Variants in TTLL4 observed in about 807,000 individuals in gnomAD.
TTLL4 encodes the protein tubulin monoglutamylase TTLL4.
Under a neutral mutation model 122.7 loss-of-function variants are expected in TTLL4, and 85 were observed. The ratio of observed to expected loss-of-function variants is 0.69; its 90% CI spans 0.58 to 0.83. The LOEUF is 0.83. Among genes scored for constraint, TTLL4 ranks in the 40% least tolerant of loss-of-function variants. TTLL4 has a pLI of 0.00. For synonymous variants in TTLL4, 553 were observed against 563.0 expected, an observed-to-expected ratio of 0.98 and a Z score of 0.25; for missense variants, 1,363 against 1,488.6, an observed-to-expected ratio of 0.92 and a Z score of 1.39.
Position 218,745,134 on chromosome 2 carries a change from C to T in TTLL4, c.1687C>T (p.Pro563Ser). Residue 563 changes from proline (P) to serine (S), a missense_variant, in exon 6 of 20, where the codon CCC becomes TCC. By Grantham distance (74) the Pro-to-Ser change is moderately conservative (BLOSUM62 -1). Coordinates refer to ENST00000392102, the MANE Select transcript of TTLL4 (RefSeq NM_014640.5). ...SRSCMEILTK[P>S]LSNHEKVVRP... The stretch of plus-strand genomic sequence containing the variant: ...AAGCTGTATGGAAATTCTGACCAAA[C>T]CCCTTTCCAATCATGAGAAAGTTGT... 1 of 1,614,050 alleles carries T rather than the reference C, an allele frequency of 6.2e-7. No individual in the cohort carries two copies. Among genetic ancestry groups the T allele is most frequent in the Middle Eastern group, 1.7e-4 (1 of 6,058 alleles).
chr2:218,723,082 GTTC>G (rs1434958020), intron 1 of TTLL4, among the ~76,000 whole-genome samples: 3 of 152,342 alleles, frequency 2.0e-5, no homozygotes, highest in East Asian at 1.9e-4. Flanking sequence ...TGATTGATCT[GTTC>G]TTCTCTCACT....
intron 6 of TTLL4, 105 bp downstream of exon 6, chr2:218,745,338 T>A: frequency 6.7e-7 from 1 of 1,489,522 alleles, no homozygotes; most frequent in South Asian, 1.2e-5. Context: ...CCAGAATGGC[T>A]GTTGTGGCAG....
At chr2:218,753,290 C>T in intron 18 of TTLL4, 105 bp downstream of exon 18, 1 of 1,182,608 alleles carries the variant, frequency 8.5e-7, no homozygotes, top group Non-Finnish European at 1.3e-6. Context: ...TCTCTCACTT[C>T]TCCGCTAGGC....
chr2:218,719,817 A>G (rs1444712899), intron 1 of TTLL4, among the ~76,000 whole-genome samples: 1 of 152,184 alleles, frequency 6.6e-6, no homozygotes, highest in Admixed American at 6.5e-5. Flanking sequence ...TGACCTGATG[A>G]AGCAATACAG....
At chr2:218,748,768 G>A (rs1025535590) in intron 12 of TTLL4, 68 bp from the exon 13 acceptor site, 18 of 1,440,926 alleles carry the variant, frequency 1.2e-5, no homozygotes, top group Non-Finnish European at 1.6e-5. Flanking sequence ...TCTCTTCTTC[G>A]TTTTTCTTTG....
At position 218,754,407 on chromosome 2, in the gene TTLL4, G is replaced by A. The variant is rs1943110255; in HGVS notation, c.*18G>A. 2.5e-6 allele frequency: 4 copies of A among 1,613,534 alleles called. No homozygotes were observed. The highest frequency in any genetic ancestry group is 1.7e-4 in the Middle Eastern group (1 of 5,766). Reference sequence around the variant, plus strand: ...GCCCATAACTGGCCTCTCTCCAAAAGCCTCTGCCCAGGAGCATGGGCATCA... The same window carrying A: ...GCCCATAACTGGCCTCTCTCCAAAAACCTCTGCCCAGGAGCATGGGCATCA... On this transcript the variant is annotated 3_prime_UTR_variant, in exon 20 of 20. Transcript: ENST00000392102.
chr2:218,741,820 C>T (rs1942709498), intron 5 of TTLL4, among the ~76,000 whole-genome samples: 2 of 152,298 alleles, frequency 1.3e-5, no homozygotes, highest in South Asian at 4.1e-4. Context: ...CTACACAACC[C>T]TTTAGCCTTC....
downstream of TTLL4, among the ~76,000 whole-genome samples, chr2:218,758,119 G>T (rs1943186305): frequency 6.6e-6 from 1 of 152,158 alleles, no homozygotes; most frequent in South Asian, 2.1e-4. Context: ...CGTTGGATCA[G>T]TGAAAGTTGC....
intron 8 of TTLL4, 175 bp downstream of exon 8, chr2:218,746,406 A>T: frequency 1.6e-6 from 1 of 641,440 alleles, no homozygotes; most frequent in Non-Finnish European, 2.7e-6. Flanking sequence ...CCAGTGGATC[A>T]CGTACATCTC....
At chr2:218,756,496 G>A (rs1943154178), downstream of TTLL4, among the ~76,000 whole-genome samples, 1 of 152,156 alleles carries the variant, frequency 6.6e-6, no homozygotes, top group African/African-American at 2.4e-5. Flanking sequence ...ATAGACATGG[G>A]TGTTTTGCTG....
chr2:218,719,971 A>G (rs1209731735), intron 1 of TTLL4, among the ~76,000 whole-genome samples: 1 of 152,228 alleles, frequency 6.6e-6, no homozygotes. Flanking sequence ...CTAAGTAGAC[A>G]GAGTGTCTTA....
chr2:218,731,411 C>CAA (rs892504493), intron 2 of TTLL4, among the ~76,000 whole-genome samples: 1 of 137,708 alleles, frequency 7.3e-6, no homozygotes, highest in Non-Finnish European at 1.6e-5. Flanking sequence ...ACTCTGTTTC[C>CAA]AAAAAAAAAA....
rs570953575 is a variant in TTLL4, at chr2:218,755,124, A to G, written c.*735A>G. 4.6e-5 allele frequency: 7 copies of G among 152,342 alleles called. No individual in the cohort carries two copies. Among genetic ancestry groups the G allele is most frequent in the African/African-American group, 1.7e-4 (7 of 41,544 alleles). The allele number at this position is 152,342 out of a possible 1,614,324, so 9.4% of individuals were successfully genotyped here. Reference sequence around the variant, plus strand: ...GGTCTATGAACTTTGTGAATTTCCCATGGCCCCAGTGAAGGAGCCCAGATA... The same window carrying G: ...GGTCTATGAACTTTGTGAATTTCCCGTGGCCCCAGTGAAGGAGCCCAGATA... On this transcript the variant is annotated 3_prime_UTR_variant, in exon 20 of 20. Transcript: ENST00000392102.
intron 4 of TTLL4, 138 bp from the exon 5 acceptor site, chr2:218,740,383 G>C: frequency 1.0e-6 from 1 of 995,318 alleles, no homozygotes; most frequent in South Asian, 1.4e-5. Context: ...GAGGAAGGCA[G>C]TGCAAAGCAG....
intron 6 of TTLL4, 60 bp from the exon 7 acceptor site, chr2:218,745,631 T>C: frequency 8.6e-7 from 1 of 1,166,994 alleles, no homozygotes; most frequent in Non-Finnish European, 1.3e-6. Context: ...TTTTGTCTTC[T>C]CATCATGACT....
intron 2 of TTLL4, among the ~76,000 whole-genome samples, chr2:218,733,887 T>C (rs925681044): frequency 1.3e-5 from 2 of 152,214 alleles, no homozygotes; most frequent in Non-Finnish European, 2.9e-5. Context: ...GGAAGTGTTG[T>C]GCAGTGAGTG....
chr2:218,750,102 G>A lies in TTLL4; in HGVS notation c.2829G>A (p.Glu943=). 2.5e-6 allele frequency: 4 copies of A among 1,614,060 alleles called. No homozygotes were observed. The highest frequency in any genetic ancestry group is 2.5e-6 in the Non-Finnish European group (3 of 1,179,940). The change falls in exon 15 of 20, where the codon GAG becomes GAA. Residue 943 remains glutamate, a synonymous_variant. Coordinates refer to ENST00000392102, the MANE Select transcript of TTLL4 (RefSeq NM_014640.5). ...NLAGFVLPNA[E]DIISSPSSCS... ...CAGGTTTTGTCCTGCCCAATGCAGA[G>A]GATATCATTTCCAGCCCCAGCAGCT... is the stretch of plus-strand genomic sequence containing the variant.
intron 1 of TTLL4, among the ~76,000 whole-genome samples, chr2:218,711,239 T>G (rs1328597288): frequency 6.6e-6 from 1 of 152,182 alleles, no homozygotes; most frequent in Non-Finnish European, 1.5e-5. Flanking sequence ...ACTTCGCGCC[T>G]CCTCGGAGCC....
intron 2 of TTLL4, among the ~76,000 whole-genome samples, chr2:218,735,676 CCTT>C (rs1355563579): frequency 1.3e-5 from 2 of 152,052 alleles, no homozygotes; most frequent in South Asian, 2.1e-4. Flanking sequence ...ACAAATGACT[CCTT>C]TTTTTTTTTT....
Sources: gnomAD v4.1 joint callset for allele counts (sites outside exome capture counted in the v4.1 genomes callset) on GRCh38, gnomAD v4.1.1 for gene constraint, MANE v1.5 for transcripts, NCBI Gene and HGNC (gene_info 2026-07-23, HGNC 2026-07-21) for gene names.